MTA3: variants seen among roughly 807,000 people sequenced by gnomAD.
The protein encoded by MTA3 is metastasis-associated protein MTA3.
MTA3 carries 34 observed loss-of-function variants against 83.5 expected under a neutral mutation model. That is an observed-to-expected ratio of 0.41 (90% CI 0.31 to 0.54). The LOEUF is 0.54. Ranked by LOEUF, MTA3 falls within the 20% of genes least tolerant of loss-of-function variation. The pLI, the probability that MTA3 is intolerant of heterozygous loss-of-function variation, is 0.33. For synonymous variants in MTA3, 303 were observed against 252.7 expected (o/e 1.20, Z -1.89); for missense variants, 761 against 726.4 (o/e 1.05, Z -0.55).
At chr2:42,514,171 C>G (rs1243447143) in intron 2 of MTA3, among the ~76,000 whole-genome samples, 1 of 152,110 alleles carries the variant, frequency 6.6e-6, no homozygotes, top group South Asian at 2.1e-4. Context: ...CGAGATCGCG[C>G]CACTGCACTC....
intron 14 of MTA3, among the ~76,000 whole-genome samples, chr2:42,713,885 A>G (rs965962655): frequency 1.3e-5 from 2 of 152,230 alleles, no homozygotes; most frequent in Admixed American, 6.5e-5. Flanking sequence ...CCTTATGCAG[A>G]TATCATTTCA....
chr2:42,722,999 G>C lies in MTA3; in HGVS notation c.1723G>C (p.Gly575Arg). Residue 575 changes from glycine to arginine, a missense_variant, in exon 16 of 17, where the codon GGG becomes CGG. By Grantham distance (125) the Gly-to-Arg change is moderately radical (BLOSUM62 -2). Transcript: ENST00000405094. The part of the protein sequence containing the change: ...TPNHTSLSIL[G>R]KRNYSHHNGL... ...AAATCACACATCTCTGAGCATTCTG[G>C]GGAAAAGAAACTACAGTCATCACAA... 6.4e-7 allele frequency: 1 copy of C among 1,550,934 alleles called. No homozygotes were observed.
intron 4 of MTA3, among the ~76,000 whole-genome samples, chr2:42,626,644 G>C (rs1008763186): frequency 3.3e-5 from 5 of 152,148 alleles, no homozygotes; most frequent in East Asian, 3.9e-4. Flanking sequence ...CAGTTGTGAA[G>C]TTGACTTTTC....
chr2:42,644,200 T>C lies in MTA3; in HGVS notation c.455T>C (p.Val152Ala). The change falls in exon 6 of 17, where the codon GTG (valine) becomes GCG (alanine). Residue 152 changes from valine to alanine, a missense_variant. Physicochemically the swap from Val to Ala is moderately conservative, Grantham distance 64 (BLOSUM62 0). Transcript: ENST00000405094. ...TLLADKGEIR[V>A]GPRYQADIPE... ...TTAGCTGACAAAGGTGAAATCAGAG[T>C]GGGACCTAGATATCAAGCAGACATT... The C allele has an allele frequency of 6.2e-7, 1 of 1,613,142 alleles. No homozygotes were observed. Among genetic ancestry groups the C allele is most frequent in the Non-Finnish European group, 8.5e-7 (1 of 1,179,544 alleles).
At position 42,617,013 on chromosome 2, in the gene MTA3, C is replaced by G. The variant is rs187966852; in HGVS notation, c.317+7429C>G. On this transcript the variant is annotated intron_variant, in intron 4 of 16. Coordinates refer to ENST00000405094, the MANE Select transcript of MTA3 (RefSeq NM_001330442.2). ...CAACCTCGGACTTTTAAATGGAATA[C>G]TAGACAGAGAATAGGAAAGCTTTTT... 2.5e-4 allele frequency among the ~76,000 whole-genome samples: 38 copies of G among 152,178 alleles called. 1 individual carries two copies. The highest frequency in any genetic ancestry group is 2.1e-3 in the Admixed American group (32 of 15,272).
chr2:42,657,324 TG>T lies in MTA3; in HGVS notation c.602+1024del, dbSNP rs561326837. On this transcript the variant is annotated intron_variant, in intron 7 of 16. Transcript: ENST00000405094. The stretch of plus-strand genomic sequence containing the variant: ...CATGGACGATCCCACTTTTTATTGG[TG>T]GCCAGGCATTTGGAGTCCAGAGCCC... Among the ~76,000 whole-genome samples the T allele has an allele frequency of 1.1e-4, 16 of 152,288 alleles. No individual in the cohort carries two copies. In the East Asian group the frequency reaches 3.1e-3, roughly 29 times the overall value.
At chr2:42,570,785 C>T (rs905628464) in intron 2 of MTA3, among the ~76,000 whole-genome samples, 7 of 151,372 alleles carry the variant, frequency 4.6e-5, no homozygotes, top group Admixed American at 3.3e-4. Context: ...CTGAGGCGGG[C>T]GGATCACCTG....
intron 4 of MTA3, among the ~76,000 whole-genome samples, chr2:42,639,104 G>C (rs868719564): frequency 6.8e-6 from 1 of 147,170 alleles, no homozygotes. Flanking sequence ...TCTGTCGCCC[G>C]GGCTGGAGTG....
chr2:42,540,481 C>T (rs928293955), intron 2 of MTA3, among the ~76,000 whole-genome samples: 6 of 151,884 alleles, frequency 4.0e-5, no homozygotes, highest in African/African-American at 1.5e-4. Flanking sequence ...CTGTAAATAC[C>T]CTTGACAGGG....
At chr2:42,611,803 A>G (rs1308143715) in intron 4 of MTA3, among the ~76,000 whole-genome samples, 1 of 152,128 alleles carries the variant, frequency 6.6e-6, no homozygotes, top group African/African-American at 2.4e-5. Flanking sequence ...GGACAGAGTG[A>G]GACCCTATGT....
intron 2 of MTA3, among the ~76,000 whole-genome samples, chr2:42,539,969 C>G (rs1362338969): frequency 2.0e-5 from 3 of 152,116 alleles, no homozygotes; most frequent in Non-Finnish European, 4.4e-5. Context: ...TGTAGAATGG[C>G]TTCTTCTGCT....
chr2:42,706,634 C>T (rs1666108987), intron 12 of MTA3, among the ~76,000 whole-genome samples: 1 of 152,162 alleles, frequency 6.6e-6, no homozygotes, highest in Non-Finnish European at 1.5e-5. Context: ...TTTTTATGCA[C>T]CCAATTAACT....
intron 2 of MTA3, among the ~76,000 whole-genome samples, chr2:42,550,715 G>A (rs1677070117): frequency 6.6e-6 from 1 of 152,130 alleles, no homozygotes; most frequent in South Asian, 2.1e-4. Context: ...ACTTGATGGT[G>A]GAAGTACTGG....
At chr2:42,682,683 T>G (rs1221575568) in intron 9 of MTA3, 94 bp downstream of exon 9, 1 of 1,133,592 alleles carries the variant, frequency 8.8e-7, no homozygotes, top group Non-Finnish European at 1.3e-6. Flanking sequence ...TTAGCAAGTT[T>G]GTGAGTTAAT....
At position 42,665,546 on chromosome 2, in the gene MTA3, C is replaced by A. The variant is rs1004015125; in HGVS notation, c.702+5684C>A. On this transcript the variant is annotated intron_variant, in intron 8 of 16. Transcript: ENST00000405094. The stretch of plus-strand genomic sequence containing the variant: ...TTGATGGAAGTTACAGCTTCTGACT[C>A]CCTGTTTGGTGGTGTTGGCCAGAGC... Among the ~76,000 whole-genome samples, 4 of 152,178 alleles carry A rather than the reference C, an allele frequency of 2.6e-5. 1 individual carries two copies. Among genetic ancestry groups the A allele is most frequent in the Admixed American group, 1.3e-4 (2 of 15,274 alleles).
intron 2 of MTA3, among the ~76,000 whole-genome samples, chr2:42,527,838 CA>C (rs1342080292): frequency 1.3e-5 from 2 of 149,198 alleles, no homozygotes; most frequent in Admixed American, 6.7e-5. Flanking sequence ...AAAAAAAAAA[CA>C]AAAACAAGTG....
At position 42,754,346 on chromosome 2, in the gene MTA3, GTA is replaced by G; in HGVS notation, c.*949_*950del. 1 of 985,488 alleles carries G rather than the reference GTA, an allele frequency of 1.0e-6. No individual in the cohort carries two copies. The highest frequency in any genetic ancestry group is 1.2e-6 in the Non-Finnish European group (1 of 830,000). 61.0% of individuals were successfully genotyped at this position (985,488 alleles called of 1,614,324 possible). Reference sequence around the variant, plus strand: ...TGGAGTGAGAGAACTGTGTTTGTGGGTATGAGTCTGTGTGGCCAACCCCATGA... The same window carrying G: ...TGGAGTGAGAGAACTGTGTTTGTGGGTGAGTCTGTGTGGCCAACCCCATGA... On this transcript the variant is annotated 3_prime_UTR_variant, in exon 17 of 17. Transcript: ENST00000405094.
At chr2:42,538,410 A>C (rs1676352524) in intron 2 of MTA3, among the ~76,000 whole-genome samples, 1 of 151,514 alleles carries the variant, frequency 6.6e-6, no homozygotes, top group Non-Finnish European at 1.5e-5. Context: ...GTTTGGCAAA[A>C]ATATGATAAA....
Position 42,748,707 on chromosome 2 carries a change from C to T in MTA3, c.1760-4667C>T, listed in dbSNP as rs141333257. 3.3e-3 allele frequency among the ~76,000 whole-genome samples: 505 copies of T among 152,126 alleles called. 6 individuals carry two copies. Among genetic ancestry groups the T allele is most frequent in the African/African-American group, 0.011 (474 of 41,466 alleles). On this transcript the variant is annotated intron_variant, in intron 16 of 16. Transcript: ENST00000405094. ...TAGGGACTGTTTTTTCTTTTGATTACGGGTTGCATTTTCTTGTTTCTCACT... is the reference window on the plus strand; with the variant it reads ...TAGGGACTGTTTTTTCTTTTGATTATGGGTTGCATTTTCTTGTTTCTCACT...
Sources: gnomAD v4.1 joint callset for allele counts (sites outside exome capture counted in the v4.1 genomes callset) on GRCh38, gnomAD v4.1.1 for gene constraint, MANE v1.5 for transcripts, NCBI Gene and HGNC (gene_info 2026-07-23, HGNC 2026-07-21) for gene names.